GNG4: variants seen among roughly 807,000 people sequenced by gnomAD.
GNG4 encodes the protein guanine nucleotide-binding protein G(I)/G(S)/G(O) subunit gamma-4.
In GNG4, 4 loss-of-function variants were observed where a neutral mutation model predicts 5.8. The observed-to-expected ratio is 0.69, with a 90% confidence interval of 0.34 to 1.57. GNG4 has a LOEUF of 1.57. Among genes scored for constraint, GNG4 ranks in the 40% most tolerant of loss-of-function variants. The pLI is 0.06. For missense variants in GNG4, 96 were observed against 95.1 expected (o/e 1.01, Z -0.04); for synonymous variants, 29 against 32.9 (o/e 0.88, Z 0.41).
intron 1 of GNG4, among the ~76,000 whole-genome samples, chr1:235,606,948 T>C: frequency 6.9e-6 from 1 of 145,326 alleles, no homozygotes; most frequent in East Asian, 2.0e-4. Flanking sequence ...TCTTTCCTTT[T>C]TTTTTTTTTT....
intron 1 of GNG4, among the ~76,000 whole-genome samples, chr1:235,620,631 G>A (rs1013341769): frequency 2.6e-5 from 4 of 152,062 alleles, no homozygotes; most frequent in African/African-American, 7.2e-5. Context: ...CGCCTCCCGC[G>A]TTCATGCCAT....
At chr1:235,585,511 A>G (rs1325998981) in intron 2 of GNG4, among the ~76,000 whole-genome samples, 3 of 152,228 alleles carry the variant, frequency 2.0e-5, no homozygotes, top group African/African-American at 7.2e-5. Context: ...TCTTTCTTAC[A>G]CAAAAAGATA....
At chr1:235,619,398 G>C (rs1346977577) in intron 1 of GNG4, among the ~76,000 whole-genome samples, 1 of 151,212 alleles carries the variant, frequency 6.6e-6, no homozygotes, top group African/African-American at 2.4e-5. Context: ...CTGTCTCAGG[G>C]AAAAAAACAA....
chr1:235,640,627 C>T (rs1657297766), intron 1 of GNG4, among the ~76,000 whole-genome samples: 2 of 152,264 alleles, frequency 1.3e-5, no homozygotes, highest in Non-Finnish European at 2.9e-5. Context: ...CAGTCCTTGC[C>T]AAGCTGCGTC....
intron 2 of GNG4, among the ~76,000 whole-genome samples, chr1:235,590,700 A>AG (rs1687938836): frequency 1.3e-5 from 2 of 152,022 alleles, no homozygotes; most frequent in African/African-American, 4.8e-5. Context: ...TCTCTCTCCA[A>AG]GGGGCTGCTC....
intron 3 of GNG4, chr1:235,566,253 C>G (rs947649413): frequency 1.3e-5 from 2 of 153,652 alleles, no homozygotes; most frequent in Admixed American, 6.5e-5. Flanking sequence ...CAGTCCATGG[C>G]CTGTTAGGAA....
intron 1 of GNG4, among the ~76,000 whole-genome samples, chr1:235,604,907 T>C (rs969854314): frequency 6.6e-6 from 1 of 152,142 alleles, no homozygotes; most frequent in Non-Finnish European, 1.5e-5. Flanking sequence ...TCTCTGACAA[T>C]TGTATGGCGT....
At chr1:235,610,706 A>G (rs1019045194) in intron 1 of GNG4, among the ~76,000 whole-genome samples, 2 of 152,190 alleles carry the variant, frequency 1.3e-5, no homozygotes, top group South Asian at 4.1e-4. Context: ...GGTGCTAGAA[A>G]AAGGCTCCTG....
At chr1:235,563,006 CTT>C (rs1323289952) in intron 3 of GNG4, among the ~76,000 whole-genome samples, 1 of 152,136 alleles carries the variant, frequency 6.6e-6, no homozygotes, top group Non-Finnish European at 1.5e-5. Flanking sequence ...CCACTTAACA[CTT>C]ATTATTAAGA....
rs1028676954 is a variant in GNG4, at chr1:235,642,772, G to A, written c.-123+6890C>T. On this transcript the variant is annotated intron_variant, in intron 1 of 3. Transcript: ENST00000391854. The surrounding 1 kb of genome is among the most constrained non-coding windows in gnomAD (Gnocchi z 4.3). ...GCCTCCCTGCTGTCATCACACCTCG[G>A]ATCACCCCAGGCAATCTCGCCCCTG... Among the ~76,000 whole-genome samples, 1 of 152,120 alleles carries A rather than the reference G, an allele frequency of 6.6e-6. No individual in the cohort carries two copies. The highest frequency in any genetic ancestry group is 6.6e-5 in the Admixed American group (1 of 15,264).
At chr1:235,622,523 G>A (rs544816938) in intron 1 of GNG4, among the ~76,000 whole-genome samples, 1 of 152,146 alleles carries the variant, frequency 6.6e-6, no homozygotes, top group South Asian at 2.1e-4. Context: ...AGACCAGCTG[G>A]GCCAACATGG....
chr1:235,629,375 T>A (rs1008676960), intron 1 of GNG4, among the ~76,000 whole-genome samples: 2 of 151,890 alleles, frequency 1.3e-5, no homozygotes, highest in African/African-American at 4.8e-5. Flanking sequence ...GGTCCCAACT[T>A]CTCCCATATG....
chr1:235,632,211 T>C (rs73122537), intron 1 of GNG4, among the ~76,000 whole-genome samples: 8,068 of 152,182 alleles, frequency 0.053, 688 homozygotes, highest in African/African-American at 0.18. Context: ...GCCTCCTTCC[T>C]GAGGAGCTGG....
At chr1:235,559,799 C>T (rs1265429075) in intron 3 of GNG4, among the ~76,000 whole-genome samples, 1 of 152,254 alleles carries the variant, frequency 6.6e-6, no homozygotes, top group Non-Finnish European at 1.5e-5. Flanking sequence ...CTACTTTCAG[C>T]ATAGGCTTTT....
intron 3 of GNG4, among the ~76,000 whole-genome samples, chr1:235,575,852 T>C (rs1008888129): frequency 1.3e-5 from 2 of 152,156 alleles, no homozygotes; most frequent in African/African-American, 2.4e-5. Flanking sequence ...GGAACCCGCC[T>C]GAGAGCCTGT....
In GNG4 at chr1:235,648,777, G is replaced by A. The variant is rs1571933010; in HGVS notation, c.-123+885C>T. The stretch of plus-strand genomic sequence containing the variant: ...ACAGTCCTGGGAGGCGACGGGTAGA[G>A]GAGAGACGCGGCAGCCGCGGGGCCG... On this transcript the variant is annotated intron_variant, in intron 1 of 3. Transcript: ENST00000391854. This position sits in a 1 kb window ranked among gnomAD's most constrained non-coding sequence, Gnocchi z 5.0. Among the ~76,000 whole-genome samples, 1 of 152,272 alleles carries A rather than the reference G, an allele frequency of 6.6e-6. No individual in the cohort carries two copies. The highest frequency in any genetic ancestry group is 2.4e-5 in the African/African-American group (1 of 41,474).
intron 2 of GNG4, among the ~76,000 whole-genome samples, chr1:235,587,281 GGTGTGGGTTGGGGT>G: frequency 1.1e-5 from 1 of 89,840 alleles, no homozygotes; most frequent in African/African-American, 4.9e-5. Flanking sequence ...TGTGTGTGAA[GGTGTGGGTTGGGGT>G]GTGTGTGAGG....
At chr1:235,617,838 T>C (rs968630267) in intron 1 of GNG4, among the ~76,000 whole-genome samples, 1 of 150,714 alleles carries the variant, frequency 6.6e-6, no homozygotes, top group Admixed American at 6.6e-5. Context: ...TGAGCTGAGA[T>C]TGTGCCACCG....
intron 1 of GNG4, among the ~76,000 whole-genome samples, chr1:235,635,044 A>G (rs1689007564): frequency 6.6e-6 from 1 of 152,226 alleles, no homozygotes; most frequent in Admixed American, 6.5e-5. Context: ...AATTTAGAAA[A>G]TGTACCAGAA....
Sources: gnomAD v4.1 joint callset for allele counts (sites outside exome capture counted in the v4.1 genomes callset) on GRCh38, gnomAD v4.1.1 for gene constraint, Gnocchi (gnomAD v3.1) non-coding constraint, MANE v1.5 for transcripts, NCBI Gene and HGNC (gene_info 2026-07-23, HGNC 2026-07-21) for gene names.